The following IFI27L1 variants were observed in gnomAD, a reference collection of about 807,000 sequenced individuals.
IFI27L1 encodes the protein interferon alpha inducible protein 27 like 1.
Under a neutral mutation model 9.2 loss-of-function variants are expected in IFI27L1, and 3 were observed. That is an observed-to-expected ratio of 0.32 (90% CI 0.15 to 0.84). The LOEUF (loss-of-function observed/expected upper bound fraction) is 0.84, where lower values mean the gene tolerates loss of function less well. Ranked by LOEUF, IFI27L1 falls within the 40% of genes least tolerant of loss-of-function variation. The pLI, the probability that IFI27L1 is intolerant of heterozygous loss-of-function variation, is 0.56. For synonymous variants in IFI27L1, 53 were observed against 50.0 expected, an observed-to-expected ratio of 1.06 and a Z score of -0.26; for missense variants, 133 against 134.2, an observed-to-expected ratio of 0.99 and a Z score of 0.05.
At chr14:94,094,022 G>A (rs938477272) in intron 1 of IFI27L1, among the ~76,000 whole-genome samples, 2 of 152,064 alleles carry the variant, frequency 1.3e-5, no homozygotes, top group African/African-American at 4.8e-5. Context: ...TGGAAATGAG[G>A]CTGTGTCCCT....
chr14:94,088,499 C>CTTTT (rs3064010), intron 1 of IFI27L1, among the ~76,000 whole-genome samples: 68 of 124,828 alleles, frequency 5.4e-4, no homozygotes, highest in African/African-American at 1.9e-3. Flanking sequence ...CTGGAACAAT[C>CTTTT]TTTTTTTTTT....
At chr14:94,095,951 G>T (rs1449428650) in intron 1 of IFI27L1, among the ~76,000 whole-genome samples, 3 of 152,178 alleles carry the variant, frequency 2.0e-5, no homozygotes, top group African/African-American at 7.2e-5. Context: ...GAATATAGTG[G>T]ACTCACATTT....
chr14:94,093,527 T>C (rs986491391), intron 1 of IFI27L1, among the ~76,000 whole-genome samples: 9 of 152,168 alleles, frequency 5.9e-5, no homozygotes, highest in Admixed American at 3.3e-4. Context: ...CCATCCCACA[T>C]AGAAGATTTA....
intron 3 of IFI27L1, 121 bp from the exon 4 acceptor site, chr14:94,101,693 C>A: frequency 1.0e-6 from 1 of 978,706 alleles, no homozygotes; most frequent in Non-Finnish European, 1.5e-6. Context: ...GGGATCCCAT[C>A]CCTGCTCAGT....
chr14:94,082,510 A>G (rs1037617849), intron 1 of IFI27L1, among the ~76,000 whole-genome samples: 11 of 152,272 alleles, frequency 7.2e-5, no homozygotes. Flanking sequence ...GGACTTTCAT[A>G]GCTAGAGAGG....
chr14:94,084,577 A>G (rs1238222266), intron 1 of IFI27L1, among the ~76,000 whole-genome samples: 1 of 152,218 alleles, frequency 6.6e-6, no homozygotes, highest in Non-Finnish European at 1.5e-5. Context: ...CTGAACAAAG[A>G]GTCAAGCTAC....
chr14:94,088,499 CTTTT>C (rs3064010), intron 1 of IFI27L1, among the ~76,000 whole-genome samples: 1 of 124,846 alleles, frequency 8.0e-6, no homozygotes, highest in Non-Finnish European at 1.6e-5. Context: ...CTGGAACAAT[CTTTT>C]TTTTTTTTTT....
At chr14:94,095,573 G>T (rs1001958064) in intron 1 of IFI27L1, among the ~76,000 whole-genome samples, 7 of 152,218 alleles carry the variant, frequency 4.6e-5, no homozygotes, top group African/African-American at 1.7e-4. Flanking sequence ...AGCTTCTGGT[G>T]AGGCCTCAGG....
intron 1 of IFI27L1, among the ~76,000 whole-genome samples, chr14:94,086,883 A>C (rs1195317424): frequency 6.6e-6 from 1 of 152,172 alleles, no homozygotes; most frequent in Non-Finnish European, 1.5e-5. Flanking sequence ...AGGAGTATAA[A>C]ATTTTATTTA....
intron 1 of IFI27L1, among the ~76,000 whole-genome samples, chr14:94,090,621 G>T (rs1886443870): frequency 6.6e-6 from 1 of 152,174 alleles, no homozygotes; most frequent in Non-Finnish European, 1.5e-5. Context: ...GGGCTCTTGG[G>T]CCTGTCAGAA....
At chr14:94,097,698 T>C (rs1239661526) in intron 2 of IFI27L1, 5 of 702,090 alleles carry the variant, frequency 7.1e-6, no homozygotes, top group Non-Finnish European at 1.3e-5. Flanking sequence ...CATTCACGGA[T>C]AGATTGCTGT....
At chr14:94,082,608 C>A (rs1170285622) in intron 1 of IFI27L1, among the ~76,000 whole-genome samples, 1 of 152,208 alleles carries the variant, frequency 6.6e-6, no homozygotes, top group Admixed American at 6.5e-5. Flanking sequence ...TGCTTGTTTA[C>A]CATTCTATTA....
At chr14:94,087,934 G>A (rs1031202196) in intron 1 of IFI27L1, among the ~76,000 whole-genome samples, 9 of 152,264 alleles carry the variant, frequency 5.9e-5, no homozygotes, top group Admixed American at 3.9e-4. Context: ...GTTAGAACAC[G>A]CCATACCCAG....
At chr14:94,097,641 A>G (rs1886720514) in intron 2 of IFI27L1, 2 of 702,210 alleles carry the variant, frequency 2.8e-6, no homozygotes, top group South Asian at 3.0e-5. Flanking sequence ...CTGGAGCTGC[A>G]GAAGTATGAG....
chr14:94,087,338 G>A (rs1489854840), intron 1 of IFI27L1, among the ~76,000 whole-genome samples: 1 of 152,200 alleles, frequency 6.6e-6, no homozygotes, highest in East Asian at 1.9e-4. Flanking sequence ...TTTGTTCTCA[G>A]GCATACAAAA....
intron 1 of IFI27L1, among the ~76,000 whole-genome samples, chr14:94,088,004 C>T (rs1886340392): frequency 6.6e-6 from 1 of 152,216 alleles, no homozygotes; most frequent in African/African-American, 2.4e-5. Context: ...CAGTTATTTG[C>T]TTCCTGAGGC....
chr14:94,090,901 G>C (rs1242989035), intron 1 of IFI27L1, among the ~76,000 whole-genome samples: 4 of 152,214 alleles, frequency 2.6e-5, no homozygotes, highest in African/African-American at 9.6e-5. Context: ...AAATCAGGTA[G>C]AGAGAAGCAA....
chr14:94,101,076 C>A, intron 3 of IFI27L1: 1 of 563,782 alleles, frequency 1.8e-6, no homozygotes, highest in South Asian at 2.3e-5. Context: ...TAAAGCAGGG[C>A]CCATGGTATC....
At chr14:94,082,136 G>A (rs1002544744) in intron 1 of IFI27L1, among the ~76,000 whole-genome samples, 2 of 152,170 alleles carry the variant, frequency 1.3e-5, no homozygotes, top group Admixed American at 6.5e-5. Flanking sequence ...ATATGAAAGC[G>A]AAACAGTTTA....
Sources: gnomAD v4.1 joint callset for allele counts (sites outside exome capture counted in the v4.1 genomes callset) on GRCh38, gnomAD v4.1.1 for gene constraint, MANE v1.5 for transcripts, NCBI Gene and HGNC (gene_info 2026-07-23, HGNC 2026-07-21) for gene names.